The following PFKFB1 variants were observed in gnomAD, a reference collection of about 807,000 sequenced individuals.
The protein encoded by PFKFB1 is 6-phosphofructo-2-kinase/fructose-2,6-bisphosphatase 1.
In PFKFB1, 34 loss-of-function variants were observed where a neutral mutation model predicts 46.4. That is an observed-to-expected ratio of 0.73 (90% CI 0.56 to 0.98). The LOEUF is 0.98. Among genes scored for constraint, PFKFB1 ranks in the 50% least tolerant of loss-of-function variants. PFKFB1 has a pLI of 0.00. For missense variants in PFKFB1, 393 were observed against 376.3 expected, an observed-to-expected ratio of 1.04 and a Z score of -0.37; for synonymous variants, 119 against 133.8, an observed-to-expected ratio of 0.89 and a Z score of 0.76.
At chrX:54,974,060 C>G (rs759899341) in intron 1 of PFKFB1, among the ~76,000 whole-genome samples, 1 of 111,135 alleles carries the variant, frequency 9.0e-6, no homozygotes, top group Non-Finnish European at 1.9e-5. Flanking sequence ...GACCTATATA[C>G]GTAACACAAT....
chrX:54,933,522 C>T, intron 13 of PFKFB1, 60 bp from the exon 14 acceptor site: 1 of 931,501 alleles, frequency 1.1e-6, no homozygotes, highest in Non-Finnish European at 1.5e-6. Context: ...CCAACCTCTC[C>T]CCTGCCTCTT....
chrX:54,945,481 C>CA lies in PFKFB1; in HGVS notation c.1055dup (p.Arg353AlafsTer5). 8.3e-7 allele frequency: 1 copy of CA among 1,203,825 alleles called. No individual in the cohort carries two copies. Among genetic ancestry groups the CA allele is most frequent in the Non-Finnish European group, 1.1e-6 (1 of 889,066 alleles). On this transcript the variant is annotated frameshift_variant, in exon 10 of 14. Coordinates refer to ENST00000375006, the MANE Select transcript of PFKFB1 (RefSeq NM_002625.4). LOFTEE classifies it high-confidence loss of function. ...GGTAGCGATATTTATCTTGGTCTCG[C>CA]AGTGCAAATTCTTCAGGGTAATGTT... is the stretch of plus-strand genomic sequence containing the variant.
upstream of PFKFB1, chrX:54,994,794 G>T (rs780014882): frequency 8.0e-6 from 6 of 752,222 alleles, no homozygotes; most frequent in Non-Finnish European, 9.4e-6. Context: ...GGCACTATCC[G>T]ATCATCTTTC....
chrX:54,996,258 C>A (rs999204916), upstream of PFKFB1, among the ~76,000 whole-genome samples: 2 of 112,140 alleles, frequency 1.8e-5, no homozygotes, highest in African/African-American at 6.5e-5. Flanking sequence ...TTAATTATAA[C>A]CCTTTCCCTG....
intron 1 of PFKFB1, among the ~76,000 whole-genome samples, chrX:54,978,094 T>C (rs1035914136): frequency 9.1e-6 from 1 of 109,888 alleles, no homozygotes; most frequent in Non-Finnish European, 1.9e-5. Context: ...AGGGAGAATA[T>C]GGGAAATCTT....
chrX:54,962,804 C>A (rs1220131427), intron 2 of PFKFB1, among the ~76,000 whole-genome samples: 1 of 111,957 alleles, frequency 8.9e-6, no homozygotes, highest in Non-Finnish European at 1.9e-5. Flanking sequence ...ATCAAATAGA[C>A]CTGGGTTCAT....
chrX:54,940,594 A>G (rs1933587671), intron 10 of PFKFB1, among the ~76,000 whole-genome samples: 1 of 111,893 alleles, frequency 8.9e-6, no homozygotes, highest in African/African-American at 3.3e-5. Context: ...CTTTACACCA[A>G]AAACAGACAA....
At chrX:54,998,077 A>T (rs370652059), upstream of PFKFB1, among the ~76,000 whole-genome samples, 3 of 111,757 alleles carry the variant, frequency 2.7e-5, no homozygotes, top group East Asian at 5.6e-4. Context: ...CAGCAAATCA[A>T]CCCTACTTTA....
At chrX:54,957,828 A>G (rs1181718670) in intron 6 of PFKFB1, among the ~76,000 whole-genome samples, 1 of 111,314 alleles carries the variant, frequency 9.0e-6, no homozygotes, top group African/African-American at 3.3e-5. Context: ...AATGTGGTAA[A>G]TGACCTAGTT....
At chrX:54,990,909 T>C (rs1268337116) in intron 1 of PFKFB1, among the ~76,000 whole-genome samples, 1 of 112,235 alleles carries the variant, frequency 8.9e-6, no homozygotes, top group African/African-American at 3.2e-5. Context: ...CTTTTAAAAA[T>C]TGTATTGGCA....
At position 54,963,310 on chromosome X, in the gene PFKFB1, T is replaced by C. The variant is rs2146640144; in HGVS notation, c.170A>G (p.Tyr57Cys). The C allele has an allele frequency of 8.3e-7, 1 of 1,208,097 alleles. No homozygotes were observed. The highest frequency in any genetic ancestry group is 1.1e-6 in the Non-Finnish European group (1 of 892,229). Reference protein sequence around the residue: ...MVGLPARGKTYISTKLTRYLN... With the variant: ...MVGLPARGKTCISTKLTRYLN... The stretch of plus-strand genomic sequence containing the variant: ...ATATCGTGTGAGCTTTGTGGAGATA[T>C]AGGTCTTGCCTCGAGCTGGTAAACC... Residue 57 changes from tyrosine (Y) to cysteine (C), a missense_variant, in exon 2 of 14, where the codon TAT becomes TGT. Coordinates refer to ENST00000375006, the MANE Select transcript of PFKFB1 (RefSeq NM_002625.4).
intron 1 of PFKFB1, among the ~76,000 whole-genome samples, chrX:54,979,719 T>C (rs144094626): frequency 5.4e-4 from 61 of 112,335 alleles, no homozygotes; most frequent in Middle Eastern, 4.7e-3. Flanking sequence ...TAATGATCCA[T>C]ACCTCTTGTT....
Position 54,954,135 on chromosome X carries a change from A to C in PFKFB1, c.638+2018T>G, listed in dbSNP as rs762940286. 5.5e-3 allele frequency among the ~76,000 whole-genome samples: 612 copies of C among 111,900 alleles called. 4 individuals carry two copies. The highest frequency in any genetic ancestry group is 8.8e-3 in the Non-Finnish European group (469 of 53,082). On this transcript the variant is annotated intron_variant, in intron 7 of 13. Coordinates refer to ENST00000375006, the MANE Select transcript of PFKFB1 (RefSeq NM_002625.4). ...AAATAAAAATTATAAACTACAGAATATGGGGAGGTCCTCCCAAGTTCTGGT... is the reference window on the plus strand; with the variant it reads ...AAATAAAAATTATAAACTACAGAATCTGGGGAGGTCCTCCCAAGTTCTGGT...
upstream of PFKFB1, among the ~76,000 whole-genome samples, chrX:54,996,109 A>G (rs1251155601): frequency 2.7e-5 from 3 of 112,251 alleles, no homozygotes; most frequent in Non-Finnish European, 5.6e-5. Context: ...TAATTAATCA[A>G]ACAAGCCTGA....
At chrX:54,985,335 A>G (rs769947461) in intron 1 of PFKFB1, among the ~76,000 whole-genome samples, 1 of 111,803 alleles carries the variant, frequency 8.9e-6, no homozygotes, top group East Asian at 2.8e-4. Context: ...AACAAAAAAC[A>G]AAAACAAAAT....
intron 1 of PFKFB1, among the ~76,000 whole-genome samples, chrX:54,986,254 C>G (rs1172320910): frequency 1.8e-5 from 2 of 111,597 alleles, no homozygotes; most frequent in Admixed American, 1.9e-4. Flanking sequence ...AAGTTTGAGA[C>G]CAGCCTGGGC....
chrX:54,946,844 C>T (rs1933827003), intron 9 of PFKFB1, among the ~76,000 whole-genome samples: 1 of 111,994 alleles, frequency 8.9e-6, no homozygotes, highest in Non-Finnish European at 1.9e-5. Context: ...GTACAGAATG[C>T]GCAAGGGACA....
At chrX:54,940,820 G>T (rs1322193127) in intron 10 of PFKFB1, among the ~76,000 whole-genome samples, 33 of 111,536 alleles carry the variant, frequency 3.0e-4, no homozygotes, top group Middle Eastern at 4.2e-3. Flanking sequence ...TACTGCCCAA[G>T]GTAATTTATA....
At chrX:54,994,744 C>T (rs907400139), upstream of PFKFB1, 1 of 753,109 alleles carries the variant, frequency 1.3e-6, no homozygotes, top group Non-Finnish European at 1.6e-6. Context: ...AGGGCCTCTC[C>T]CACCTGAAAT....
Sources: allele counts gnomAD v4.1 joint callset (sites outside exome capture counted in the v4.1 genomes callset), GRCh38; gene constraint gnomAD v4.1.1; transcripts MANE v1.5; gene names NCBI Gene and HGNC (gene_info 2026-07-23, HGNC 2026-07-21).